UTP4: variants seen among roughly 807,000 people sequenced by gnomAD.
The protein encoded by UTP4 is UTP4 small subunit processome component.
Under a neutral mutation model 82.4 loss-of-function variants are expected in UTP4, and 45 were observed. That is an observed-to-expected ratio of 0.55 (90% confidence interval 0.43 to 0.70). The LOEUF is 0.70. Among genes scored for constraint, UTP4 ranks in the 30% least tolerant of loss-of-function variants. UTP4 has a pLI of 0.00. For missense variants in UTP4, 819 were observed against 858.3 expected (o/e 0.95, Z 0.57); for synonymous variants, 348 against 300.3 (o/e 1.16, Z -1.64).
intron 14 of UTP4, among the ~76,000 whole-genome samples, chr16:69,164,965 G>A (rs1020027745): frequency 9.9e-5 from 15 of 152,162 alleles, no homozygotes; most frequent in South Asian, 2.1e-4. Flanking sequence ...GGAGGCTGAG[G>A]CGGGCAGATC....
Position 69,133,441 on chromosome 16 carries a change from C to T in UTP4, c.-2-17C>T. Reference sequence around the variant, plus strand: ...CAGTTAACATATAGCAATAATGACTCTCTTTTCGCCCCCTAGGAATGGGTG... The same window carrying T: ...CAGTTAACATATAGCAATAATGACTTTCTTTTCGCCCCCTAGGAATGGGTG... On this transcript the variant is annotated splice_polypyrimidine_tract_variant and intron_variant, in intron 1 of 16. Coordinates refer to ENST00000314423, the MANE Select transcript of UTP4 (RefSeq NM_032830.3). 6.2e-7 allele frequency: 1 copy of T among 1,613,674 alleles called. No homozygotes were observed. The highest frequency in any genetic ancestry group is 8.5e-7 in the Non-Finnish European group (1 of 1,179,664).
At position 69,153,638 on chromosome 16, in the gene UTP4, C is replaced by T. The variant is rs750161529; in HGVS notation, c.1057C>T (p.His353Tyr). 3 of 1,613,532 alleles carry T rather than the reference C, an allele frequency of 1.9e-6. No individual in the cohort carries two copies. Among genetic ancestry groups the T allele is most frequent in the Admixed American group, 3.3e-5 (2 of 59,966 alleles). The change falls in exon 9 of 17, where the codon CAT (histidine) becomes TAT (tyrosine). Residue 353 changes from histidine to tyrosine, a missense_variant. Coordinates refer to ENST00000314423, the MANE Select transcript of UTP4 (RefSeq NM_032830.3). ...KRQLLLFQFA[H>Y]HLELWRLGST... ...GCAGCTTCTCCTCTTCCAGTTTGCT[C>T]ATCACTTAGAACTTTGGCGACTGGG...
At chr16:69,152,007 GAT>G (rs1963285039) in intron 8 of UTP4, among the ~76,000 whole-genome samples, 1 of 150,288 alleles carries the variant, frequency 6.7e-6, no homozygotes, top group Admixed American at 6.7e-5. Context: ...ATATGTTATA[GAT>G]ATAGATAGAT....
intron 14 of UTP4, 130 bp from the exon 15 acceptor site, chr16:69,165,211 G>T (rs1963672347): frequency 4.0e-6 from 3 of 750,354 alleles, no homozygotes; most frequent in African/African-American, 1.8e-5. Flanking sequence ...AAAAAAAAGT[G>T]TTGGGAGAGC....
rs752987838 is a variant in UTP4 at position 69,132,677 on chromosome 16, C to T, written c.-15C>T. On this transcript the variant is annotated 5_prime_UTR_variant, in exon 1 of 17. Coordinates refer to ENST00000314423, the MANE Select transcript of UTP4 (RefSeq NM_032830.3). ...GAGAGGCGAGCACCGGGAAGGGGAG[C>T]GTGGGGCCGCTGGTGAGTTGGGGAA... 6 of 330,952 alleles carry T rather than the reference C, an allele frequency of 1.8e-5. No homozygotes were observed. The highest frequency in any genetic ancestry group is 1.2e-4 in the South Asian group (6 of 48,706). The allele number at this position is 330,952 out of a possible 1,614,324, so 20.5% of individuals were successfully genotyped here. A position where few individuals can be genotyped will look rare whatever the true frequency, so the allele number is the denominator to read the frequency against.
chr16:69,165,855 A>G (rs937392399), intron 15 of UTP4: 2 of 439,670 alleles, frequency 4.5e-6, no homozygotes, highest in Non-Finnish European at 8.4e-6. Flanking sequence ...GGTGACCCTC[A>G]TCCGGAAGTA....
At chr16:69,147,553 G>T (rs769884618) in intron 6 of UTP4, among the ~76,000 whole-genome samples, 7 of 152,202 alleles carry the variant, frequency 4.6e-5, no homozygotes, top group Non-Finnish European at 8.8e-5. Context: ...GAACATTGAG[G>T]TACAAGTACA....
chr16:69,147,216 A>ATAG (rs1190086715), intron 6 of UTP4, among the ~76,000 whole-genome samples: 3 of 147,220 alleles, frequency 2.0e-5, no homozygotes, highest in East Asian at 4.0e-4. Context: ...AATAATAATA[A>ATAG]TAATAAGCCG....
intron 5 of UTP4, among the ~76,000 whole-genome samples, chr16:69,141,471 A>G (rs1431369278): frequency 6.6e-6 from 1 of 152,150 alleles, no homozygotes; most frequent in Non-Finnish European, 1.5e-5. Context: ...CCCTTTGTGT[A>G]GGACCTGTTT....
chr16:69,137,718 G>A (rs1488068827), intron 3 of UTP4, 83 bp from the exon 4 acceptor site: 2 of 795,690 alleles, frequency 2.5e-6, no homozygotes, highest in East Asian at 5.0e-5. Context: ...GAGAGAGTGT[G>A]TGTTGGGGGG....
At chr16:69,147,203 A>G (rs994758452) in intron 6 of UTP4, among the ~76,000 whole-genome samples, 1 of 145,570 alleles carries the variant, frequency 6.9e-6, no homozygotes, top group African/African-American at 2.5e-5. Flanking sequence ...TAATAATAAT[A>G]ATAATAATAA....
rs1463690386 is a variant in UTP4 at position 69,139,833 on chromosome 16, C to T, written c.445C>T (p.Leu149=). The change falls in exon 5 of 17, where the codon CTG becomes TTG. Residue 149 remains leucine, a synonymous_variant. Transcript: ENST00000314423. ...RNFDRQKSRI[L]SLSWHPSGTH... is the part of the protein sequence containing the mutation. The stretch of plus-strand genomic sequence containing the variant: ...GTTGTCCAACTCCCAAGGTCGCATC[C>T]TGAGTCTCAGCTGGCATCCCTCTGG... 2 of 1,613,198 alleles carry T rather than the reference C, an allele frequency of 1.2e-6. No homozygotes were observed. The highest frequency in any genetic ancestry group is 2.2e-5 in the South Asian group (2 of 91,066).
chr16:69,159,030 TG>T (rs1963498213), intron 12 of UTP4, among the ~76,000 whole-genome samples: 1 of 152,120 alleles, frequency 6.6e-6, no homozygotes, highest in Admixed American at 6.6e-5. Flanking sequence ...TCAAGTCTAT[TG>T]AACTTGCTGT....
chr16:69,136,576 G>A lies in UTP4; in HGVS notation c.160-120G>A. On this transcript the variant is annotated intron_variant, in intron 2 of 16. Coordinates refer to ENST00000314423, the MANE Select transcript of UTP4 (RefSeq NM_032830.3). ...AAATGTCATTAGGCATGATCTGATAGCACAAAACCCCACACTAGTTATTTA... is the reference window on the plus strand; with the variant it reads ...AAATGTCATTAGGCATGATCTGATAACACAAAACCCCACACTAGTTATTTA... 4.3e-6 allele frequency: 4 copies of A among 923,290 alleles called. No individual in the cohort carries two copies. In the South Asian group the frequency reaches 5.2e-5, roughly 12 times the overall value. The allele number at this position is 923,290 out of a possible 1,614,324, so 57.2% of individuals were successfully genotyped here.
At chr16:69,161,728 A>G (rs1184313207) in intron 13 of UTP4, among the ~76,000 whole-genome samples, 1 of 152,208 alleles carries the variant, frequency 6.6e-6, no homozygotes, top group Non-Finnish European at 1.5e-5. Flanking sequence ...GCAGTGGCAC[A>G]GTCACAGCTC....
At position 69,139,862 on chromosome 16, in the gene UTP4, C is replaced by T. The variant is rs1432384748; in HGVS notation, c.474C>T (p.Thr158=). 1.2e-6 allele frequency: 2 copies of T among 1,613,874 alleles called. No individual in the cohort carries two copies. Among genetic ancestry groups the T allele is most frequent in the Non-Finnish European group, 1.7e-6 (2 of 1,179,894 alleles). Residue 158 remains threonine (T), a synonymous_variant, in exon 5 of 17, where the codon ACC becomes ACT. Transcript: ENST00000314423. The part of the protein sequence containing the change: ...ILSLSWHPSG[T]HIAAGSIDYI... ...GTCTCAGCTGGCATCCCTCTGGTAC[C>T]CACATTGCAGCTGGTTCCATAGACT...
At chr16:69,160,284 C>A in intron 12 of UTP4, 72 bp from the exon 13 acceptor site, 2 of 1,179,468 alleles carry the variant, frequency 1.7e-6, no homozygotes, top group Non-Finnish European at 1.3e-6. Context: ...TTGGCTTTTG[C>A]CATCATCTCC....
intron 8 of UTP4, among the ~76,000 whole-genome samples, chr16:69,152,009 TATAG>T (rs150885029): frequency 0.019 from 2,810 of 151,040 alleles, 34 homozygotes; most frequent in African/African-American, 0.022. Context: ...ATGTTATAGA[TATAG>T]ATAGATAGAT....
intron 6 of UTP4, among the ~76,000 whole-genome samples, chr16:69,148,186 C>T (rs1963169076): frequency 2.0e-5 from 3 of 152,116 alleles, no homozygotes; most frequent in South Asian, 2.1e-4. Flanking sequence ...TGGTCTTGAT[C>T]TCCTGACCTT....
Sources: allele counts gnomAD v4.1 joint callset (sites outside exome capture counted in the v4.1 genomes callset), GRCh38; gene constraint gnomAD v4.1.1; transcripts MANE v1.5; gene names NCBI Gene and HGNC (gene_info 2026-07-23, HGNC 2026-07-21).